Variants in LSM14A observed in about 807,000 individuals in gnomAD.
LSM14A encodes LSM14A mRNA processing body assembly factor.
LSM14A carries 14 observed loss-of-function variants against 52.4 expected under a neutral mutation model. That is an observed-to-expected ratio of 0.27 (90% CI 0.18 to 0.42). LSM14A has a LOEUF of 0.42. LSM14A is among the 10% of genes least tolerant of loss of function. The pLI, the probability that LSM14A is intolerant of heterozygous loss-of-function variation, is 1.00. For missense variants in LSM14A, 417 were observed against 581.8 expected (o/e 0.72, Z 2.91); for synonymous variants, 185 against 200.3 (o/e 0.92, Z 0.64).
At chr19:34,194,384 C>A in intron 1 of LSM14A, 94 bp from the exon 2 acceptor site, 1 of 1,127,670 alleles carries the variant, frequency 8.9e-7, no homozygotes, top group South Asian at 1.5e-5. Flanking sequence ...TTCAGAACTA[C>A]TGCTTAGTAC....
At chr19:34,190,740 C>G (rs888324174) in intron 1 of LSM14A, among the ~76,000 whole-genome samples, 1 of 152,036 alleles carries the variant, frequency 6.6e-6, no homozygotes, top group Non-Finnish European at 1.5e-5. Flanking sequence ...TATTTCTATT[C>G]TAGAACCAAA....
chr19:34,224,614 T>C (rs1042475496), intron 9 of LSM14A, among the ~76,000 whole-genome samples: 1 of 152,168 alleles, frequency 6.6e-6, no homozygotes, highest in Non-Finnish European at 1.5e-5. Flanking sequence ...TTTAGGAGGC[T>C]CAGTTGTGAC....
At chr19:34,213,973 G>A (rs925608098) in intron 4 of LSM14A, among the ~76,000 whole-genome samples, 2 of 151,972 alleles carry the variant, frequency 1.3e-5, no homozygotes, top group African/African-American at 2.4e-5. Flanking sequence ...TGTAGAGACA[G>A]GCTTTCGCCA....
chr19:34,177,517 A>G (rs537816356), intron 1 of LSM14A, among the ~76,000 whole-genome samples: 1 of 152,336 alleles, frequency 6.6e-6, no homozygotes, highest in African/African-American at 2.4e-5. Context: ...TTGATGTGGT[A>G]TATAATTAGG....
intron 8 of LSM14A, among the ~76,000 whole-genome samples, chr19:34,220,194 T>A (rs138428987): frequency 1.4e-3 from 216 of 152,230 alleles, no homozygotes; most frequent in Non-Finnish European, 1.8e-3. Flanking sequence ...AATCGTGAAC[T>A]CCTGGCCTCA....
At chr19:34,180,100 G>A (rs1219930509) in intron 1 of LSM14A, among the ~76,000 whole-genome samples, 2 of 152,104 alleles carry the variant, frequency 1.3e-5, no homozygotes, top group Non-Finnish European at 2.9e-5. Context: ...TCTGTTTTTT[G>A]TAGATACAGG....
chr19:34,189,399 T>C (rs1204921621), intron 1 of LSM14A, among the ~76,000 whole-genome samples: 1 of 152,172 alleles, frequency 6.6e-6, no homozygotes, highest in Non-Finnish European at 1.5e-5. Context: ...TCCTTGAGAA[T>C]AGGAACTGGT....
chr19:34,210,868 G>A (rs947194720), intron 4 of LSM14A, among the ~76,000 whole-genome samples: 1 of 151,710 alleles, frequency 6.6e-6, no homozygotes, highest in Non-Finnish European at 1.5e-5. Context: ...CACAGTGCCC[G>A]GCCTATTCTG....
At chr19:34,188,705 G>C (rs573737144) in intron 1 of LSM14A, among the ~76,000 whole-genome samples, 44 of 152,202 alleles carry the variant, frequency 2.9e-4, no homozygotes, top group African/African-American at 1.1e-3. Context: ...ATCATACACT[G>C]TGTGACGTTT....
chr19:34,201,359 T>C (rs1231570853), intron 3 of LSM14A, among the ~76,000 whole-genome samples: 1 of 152,248 alleles, frequency 6.6e-6, no homozygotes, highest in African/African-American at 2.4e-5. Flanking sequence ...AGCTTGTTTT[T>C]TGAGATGGCG....
At chr19:34,222,920 C>T (rs750410715) in intron 9 of LSM14A, among the ~76,000 whole-genome samples, 5 of 152,194 alleles carry the variant, frequency 3.3e-5, no homozygotes, top group Non-Finnish European at 7.3e-5. Context: ...TTACAGAATT[C>T]AGCAGTAGTA....
intron 9 of LSM14A, among the ~76,000 whole-genome samples, chr19:34,223,226 A>G (rs1371154227): frequency 6.6e-6 from 1 of 152,006 alleles, no homozygotes; most frequent in African/African-American, 2.4e-5. Context: ...GACTACAGGC[A>G]TGCACCACCA....
At chr19:34,186,002 A>C (rs1201604454) in intron 1 of LSM14A, among the ~76,000 whole-genome samples, 1 of 152,206 alleles carries the variant, frequency 6.6e-6, no homozygotes, top group Non-Finnish European at 1.5e-5. Flanking sequence ...AATTTAATTC[A>C]GTTCCCTTGG....
intron 4 of LSM14A, among the ~76,000 whole-genome samples, chr19:34,213,479 G>A (rs1244324152): frequency 6.6e-6 from 1 of 152,146 alleles, no homozygotes; most frequent in Non-Finnish European, 1.5e-5. Context: ...ACATAATAAT[G>A]CATTGTCAGC....
chr19:34,202,167 T>TTTTTG (rs541306081), intron 3 of LSM14A, among the ~76,000 whole-genome samples: 429 of 147,882 alleles, frequency 2.9e-3, no homozygotes, highest in Middle Eastern at 6.9e-3. Context: ...GTTGGTTTGG[T>TTTTTG]TTTTGTTTTG....
intron 8 of LSM14A, 54 bp downstream of exon 8, chr19:34,219,931 G>T: frequency 7.5e-7 from 1 of 1,337,284 alleles, no homozygotes; most frequent in Non-Finnish European, 1.1e-6. Context: ...AGTGTAAAAT[G>T]GTTTCATGTA....
Position 34,229,049 on chromosome 19 carries a change from T to TG in LSM14A, c.*1663dup, listed in dbSNP as rs1206729250. The TG allele has an allele frequency of 1.3e-5, 2 of 152,230 alleles. No homozygotes were observed. Among genetic ancestry groups the TG allele is most frequent in the Non-Finnish European group, 2.9e-5 (2 of 68,048 alleles). 9.4% of individuals were successfully genotyped at this position (152,230 alleles called of 1,614,324 possible). On this transcript the variant is annotated 3_prime_UTR_variant, in exon 10 of 10. Coordinates refer to ENST00000544216, the MANE Select transcript of LSM14A (RefSeq NM_015578.4). ...ATTCAGAGCATCAGAGCAAGTACCA[T>TG]GGCAATACATGTGTAGACTGTTGGA...
chr19:34,174,185 G>A (rs2068916547), intron 1 of LSM14A, among the ~76,000 whole-genome samples: 1 of 152,146 alleles, frequency 6.6e-6, no homozygotes, highest in South Asian at 2.1e-4. Context: ...CTGACCTCAG[G>A]TGATCCACCC....
chr19:34,173,902 TTAA>T (rs1334088459), intron 1 of LSM14A, among the ~76,000 whole-genome samples: 2 of 151,922 alleles, frequency 1.3e-5, no homozygotes, highest in African/African-American at 2.4e-5. Flanking sequence ...GATCAAGTAT[TTAA>T]TAATATTTCT....
Sources: gnomAD v4.1 joint callset for allele counts (sites outside exome capture counted in the v4.1 genomes callset) on GRCh38, gnomAD v4.1.1 for gene constraint, MANE v1.5 for transcripts, NCBI Gene and HGNC (gene_info 2026-07-23, HGNC 2026-07-21) for gene names.